Variants in MGAT4C observed in about 807,000 individuals in gnomAD.
MGAT4C encodes MGAT4 family member C.
Under a neutral mutation model 40.1 loss-of-function variants are expected in MGAT4C, and 19 were observed. That is an observed-to-expected ratio of 0.47 (90% CI 0.33 to 0.70). The LOEUF is 0.70. Ranked by LOEUF, MGAT4C falls within the 30% of genes least tolerant of loss-of-function variation. The probability of loss-of-function intolerance (pLI) is 0.02; values close to 1 mark genes in which losing one functional copy is unlikely to be tolerated. For missense variants in MGAT4C, 491 were observed against 563.2 expected (o/e 0.87, Z 1.30); for synonymous variants, 181 against 187.1 (o/e 0.97, Z 0.27).
At chr12:86,226,174 A>C (rs2136000800) in intron 1 of MGAT4C, among the ~76,000 whole-genome samples, 1 of 152,106 alleles carries the variant, frequency 6.6e-6, no homozygotes, top group Non-Finnish European at 1.5e-5. Context: ...ATGCGCTATA[A>C]TATAATAAGT....
At chr12:86,152,166 C>A (rs761115833) in intron 1 of MGAT4C, among the ~76,000 whole-genome samples, 2 of 152,210 alleles carry the variant, frequency 1.3e-5, no homozygotes, top group African/African-American at 2.4e-5. Context: ...AGGCTTTACC[C>A]TATCATGGTA....
At chr12:86,510,072 G>A (rs886354541) in intron 2 of MGAT4C, among the ~76,000 whole-genome samples, 1 of 151,974 alleles carries the variant, frequency 6.6e-6, no homozygotes, top group Non-Finnish European at 1.5e-5. Context: ...CTGCCTAATT[G>A]CCCTGGCCAG....
intron 2 of MGAT4C, among the ~76,000 whole-genome samples, chr12:85,994,245 G>C (rs570487214): frequency 6.6e-6 from 1 of 152,176 alleles, no homozygotes; most frequent in African/African-American, 2.4e-5. Flanking sequence ...AATGACAGTC[G>C]TCTAAATTCT....
chr12:86,678,811 T>C (rs1565920393), intron 2 of MGAT4C, among the ~76,000 whole-genome samples: 1 of 152,152 alleles, frequency 6.6e-6, no homozygotes, highest in Non-Finnish European at 1.5e-5. Context: ...TGCCACATTT[T>C]CTTAATCCAG....
intron 1 of MGAT4C, among the ~76,000 whole-genome samples, chr12:86,753,450 ATC>A (rs1317413437): frequency 1.3e-5 from 2 of 152,026 alleles, no homozygotes; most frequent in Non-Finnish European, 2.9e-5. Context: ...ATGTGGGTAA[ATC>A]TCTGTTTGGG....
In MGAT4C at chr12:86,301,114, G is replaced by T. The variant is rs533568484; in HGVS notation, c.-57+32951C>A. Among the ~76,000 whole-genome samples the T allele has an allele frequency of 3.3e-5, 5 of 152,242 alleles. No individual in the cohort carries two copies. In the South Asian group the frequency reaches 1.0e-3, roughly 32 times the overall value. On this transcript the variant is annotated intron_variant, in intron 4 of 7. Coordinates refer to the MGAT4C transcript ENST00000548651. ...TATCAAGTGATAGTGCAATGTGTTG[G>T]TCCTCTTTAACTCATTCACGCCCAG...
At chr12:86,036,402 A>C (rs1891242138) in intron 2 of MGAT4C, among the ~76,000 whole-genome samples, 1 of 150,052 alleles carries the variant, frequency 6.7e-6, no homozygotes, top group Non-Finnish European at 1.5e-5. Flanking sequence ...TGGTTTTCAA[A>C]AGGAATGCTT....
At chr12:86,433,825 TCTG>T (rs1253884022) in intron 3 of MGAT4C, among the ~76,000 whole-genome samples, 1 of 152,046 alleles carries the variant, frequency 6.6e-6, no homozygotes, top group Non-Finnish European at 1.5e-5. Context: ...TCCTCCTGAC[TCTG>T]CTATTTGTCC....
intron 2 of MGAT4C, among the ~76,000 whole-genome samples, chr12:86,015,339 C>A (rs953921471): frequency 5.9e-5 from 9 of 151,992 alleles, no homozygotes; most frequent in African/African-American, 2.2e-4. Flanking sequence ...CACTGTCTCC[C>A]TTTGCTGCCT....
intron 2 of MGAT4C, among the ~76,000 whole-genome samples, chr12:86,035,850 T>G (rs1891187899): frequency 6.7e-6 from 1 of 150,116 alleles, no homozygotes; most frequent in Non-Finnish European, 1.5e-5. Context: ...TCCCCATTGC[T>G]TGTTTTTGTC....
chr12:86,218,851 C>T (rs1366482852), intron 1 of MGAT4C, among the ~76,000 whole-genome samples: 1 of 152,108 alleles, frequency 6.6e-6, no homozygotes, highest in Non-Finnish European at 1.5e-5. Context: ...CAGTGCTATA[C>T]ACTTGAATTA....
intron 1 of MGAT4C, among the ~76,000 whole-genome samples, chr12:86,837,251 A>G (rs1419349220): frequency 6.6e-6 from 1 of 152,144 alleles, no homozygotes; most frequent in African/African-American, 2.4e-5. Context: ...CAATTCCTGT[A>G]AAGTTCATGA....
intron 1 of MGAT4C, among the ~76,000 whole-genome samples, chr12:86,793,498 T>G (rs1434710171): frequency 6.6e-6 from 1 of 152,070 alleles, no homozygotes; most frequent in African/African-American, 2.4e-5. Context: ...CTAAAATGAA[T>G]GAACATTTTT....
At chr12:86,656,193 T>A (rs1025422988) in intron 2 of MGAT4C, among the ~76,000 whole-genome samples, 5 of 152,058 alleles carry the variant, frequency 3.3e-5, no homozygotes, top group African/African-American at 4.8e-5. Flanking sequence ...AATTGATCTT[T>A]CCGTGGTAAA....
intron 2 of MGAT4C, among the ~76,000 whole-genome samples, chr12:86,699,744 A>G (rs1409122662): frequency 5.9e-5 from 9 of 152,180 alleles, no homozygotes; most frequent in Admixed American, 5.9e-4. Context: ...AATAAGGTAG[A>G]GAAAAAAATG....
chr12:86,127,561 A>T (rs1880488483), intron 1 of MGAT4C, among the ~76,000 whole-genome samples: 1 of 152,176 alleles, frequency 6.6e-6, no homozygotes, highest in African/African-American at 2.4e-5. Flanking sequence ...TCTTATAAAC[A>T]TTTTAATTGT....
intron 3 of MGAT4C, among the ~76,000 whole-genome samples, chr12:85,986,876 AT>A (rs1204105264): frequency 6.6e-6 from 1 of 152,144 alleles, no homozygotes; most frequent in Non-Finnish European, 1.5e-5. Context: ...GATACTATTC[AT>A]TTTTAGAAGA....
chr12:86,135,790 A>G (rs868078743), intron 1 of MGAT4C, among the ~76,000 whole-genome samples: 3 of 152,280 alleles, frequency 2.0e-5, no homozygotes, highest in East Asian at 3.9e-4. Context: ...ACAACTTATA[A>G]CTGCAGGATA....
At chr12:86,794,347 T>C (rs902273616) in intron 1 of MGAT4C, among the ~76,000 whole-genome samples, 3 of 151,764 alleles carry the variant, frequency 2.0e-5, no homozygotes, top group Non-Finnish European at 4.4e-5. Context: ...GAAATTTTAA[T>C]AAAACTAACT....
Sources: gnomAD v4.1 joint callset for allele counts (sites outside exome capture counted in the v4.1 genomes callset) on GRCh38, gnomAD v4.1.1 for gene constraint, MANE v1.5 for transcripts, NCBI Gene and HGNC (gene_info 2026-07-23, HGNC 2026-07-21) for gene names.